The following PTPRG variants were observed in gnomAD, a reference collection of about 807,000 sequenced individuals.
PTPRG encodes receptor-type tyrosine-protein phosphatase gamma.
Under a neutral mutation model 165.3 loss-of-function variants are expected in PTPRG, and 102 were observed. The observed-to-expected ratio is 0.62, with a 90% confidence interval of 0.53 to 0.73. The LOEUF (loss-of-function observed/expected upper bound fraction) is 0.73. Among genes scored for constraint, PTPRG ranks in the 30% least tolerant of loss-of-function variants. The pLI is 0.00. For synonymous variants in PTPRG, 675 were observed against 669.5 expected, an observed-to-expected ratio of 1.01 and a Z score of -0.13; for missense variants, 1,866 against 1,861.4, an observed-to-expected ratio of 1.00 and a Z score of -0.05.
intron 4 of PTPRG, among the ~76,000 whole-genome samples, chr3:62,025,087 C>T (rs1037706648): frequency 2.0e-5 from 3 of 152,082 alleles, no homozygotes; most frequent in South Asian, 2.1e-4. Context: ...GGAGCTGGTC[C>T]AGTTTTCGTA....
intron 2 of PTPRG, among the ~76,000 whole-genome samples, chr3:61,827,925 G>A (rs917550357): frequency 6.6e-6 from 1 of 152,128 alleles, no homozygotes; most frequent in Non-Finnish European, 1.5e-5. Flanking sequence ...ACTACCTAAA[G>A]AGAGACACTT....
At chr3:61,912,472 T>C (rs1011272585) in intron 2 of PTPRG, among the ~76,000 whole-genome samples, 5 of 152,290 alleles carry the variant, frequency 3.3e-5, no homozygotes, top group African/African-American at 1.2e-4. Context: ...ACTGCAAAGC[T>C]TCACTTATGT....
intron 1 of PTPRG, chr3:61,742,719 C>T (rs2033043612): frequency 1.2e-6 from 2 of 1,608,538 alleles, no homozygotes; most frequent in South Asian, 2.2e-5. Flanking sequence ...ACTTTCCTGC[C>T]TTATTTAGAC....
intron 1 of PTPRG, chr3:61,743,213 G>T: frequency 1.4e-6 from 1 of 704,188 alleles, no homozygotes; most frequent in Non-Finnish European, 2.6e-6. Flanking sequence ...TCTGAGAAGA[G>T]ACAGAGTTTA....
intron 1 of PTPRG, among the ~76,000 whole-genome samples, chr3:61,727,954 C>T (rs2032331147): frequency 6.6e-6 from 1 of 152,226 alleles, no homozygotes; most frequent in African/African-American, 2.4e-5. Context: ...GTTTGTGAGG[C>T]AAAGCACTTT....
At chr3:62,116,304 G>A (rs1291969294) in intron 5 of PTPRG, among the ~76,000 whole-genome samples, 1 of 152,156 alleles carries the variant, frequency 6.6e-6, no homozygotes, top group African/African-American at 2.4e-5. Flanking sequence ...TGATTGCTGT[G>A]CTGCCTCCTT....
intron 2 of PTPRG, among the ~76,000 whole-genome samples, chr3:61,922,751 C>T (rs1194520820): frequency 6.6e-6 from 1 of 152,206 alleles, no homozygotes; most frequent in Non-Finnish European, 1.5e-5. Context: ...GGTGATCGTC[C>T]TGCTTCAGCC....
chr3:62,001,891 A>G (rs1366423380), intron 3 of PTPRG, among the ~76,000 whole-genome samples: 1 of 152,220 alleles, frequency 6.6e-6, no homozygotes, highest in Non-Finnish European at 1.5e-5. Context: ...ATTGGCCTGC[A>G]AAGCCTAAAA....
intron 5 of PTPRG, among the ~76,000 whole-genome samples, chr3:62,121,603 C>T (rs1260561746): frequency 5.9e-5 from 9 of 152,102 alleles, no homozygotes; most frequent in Non-Finnish European, 1.0e-4. Context: ...TCCATCTGCA[C>T]GTTTTCTATG....
chr3:62,262,681 T>C (rs1376872097), intron 16 of PTPRG, 117 bp from the exon 17 acceptor site: 3 of 521,872 alleles, frequency 5.7e-6, no homozygotes, highest in South Asian at 4.4e-5. Flanking sequence ...GAAGTTGGGA[T>C]TGAGAAGGTA....
At chr3:62,097,487 T>C (rs1227714595) in intron 5 of PTPRG, among the ~76,000 whole-genome samples, 1 of 149,996 alleles carries the variant, frequency 6.7e-6, no homozygotes, top group African/African-American at 2.4e-5. Flanking sequence ...GTGACAGGTA[T>C]ATGAACGCGA....
chr3:61,590,375 A>C (rs950647954), intron 1 of PTPRG, among the ~76,000 whole-genome samples: 1 of 152,128 alleles, frequency 6.6e-6, no homozygotes, highest in Non-Finnish European at 1.5e-5. Flanking sequence ...ATATATAAAA[A>C]TTAGCTGGCG....
At chr3:61,917,003 T>C (rs566897868) in intron 2 of PTPRG, among the ~76,000 whole-genome samples, 1 of 152,322 alleles carries the variant, frequency 6.6e-6, no homozygotes, top group South Asian at 2.1e-4. Flanking sequence ...TGAGCTGTTT[T>C]CTTCTGAAGC....
At chr3:61,848,334 C>A (rs569265119) in intron 2 of PTPRG, among the ~76,000 whole-genome samples, 1 of 152,200 alleles carries the variant, frequency 6.6e-6, no homozygotes, top group East Asian at 1.9e-4. Flanking sequence ...CCTAGGCAGG[C>A]TCTGTATGAT....
chr3:61,666,367 A>T (rs1164533431), intron 1 of PTPRG, among the ~76,000 whole-genome samples: 1 of 152,220 alleles, frequency 6.6e-6, no homozygotes, highest in Admixed American at 6.5e-5. Flanking sequence ...CCTTAAGTTA[A>T]ACTTACCAGT....
intron 1 of PTPRG, among the ~76,000 whole-genome samples, chr3:61,618,833 C>G (rs1701372077): frequency 2.6e-5 from 4 of 151,968 alleles, no homozygotes; most frequent in Admixed American, 2.6e-4. Context: ...GACCATCACA[C>G]TTTTAGTGAT....
chr3:62,066,905 G>C lies in PTPRG; in HGVS notation c.520-11258G>C, dbSNP rs550877298. ...TTACAATAATTAGCTGGATGTGGTG[G>C]CACGTGCCTGTAATCCCAGCTACTC... On this transcript the variant is annotated intron_variant, in intron 4 of 29. Transcript: ENST00000474889. 7.9e-5 allele frequency among the ~76,000 whole-genome samples: 12 copies of C among 152,142 alleles called. No homozygotes were observed. In the South Asian group the frequency reaches 2.3e-3, roughly 29 times the overall value.
rs375892282 is a variant in PTPRG, at chr3:62,125,843, G to A, written c.616-6759G>A. 2.6e-5 allele frequency among the ~76,000 whole-genome samples: 4 copies of A among 152,220 alleles called. No homozygotes were observed. The East Asian group carries it at 5.8e-4, about 22-fold the overall frequency. Reference sequence around the variant, plus strand: ...ACTTTGAGAAGATTGGCAGGGGTGGGACAGACAGGTTCTGGGACCCCGGCT... The same window carrying A: ...ACTTTGAGAAGATTGGCAGGGGTGGAACAGACAGGTTCTGGGACCCCGGCT... On this transcript the variant is annotated intron_variant, in intron 5 of 29. Transcript: ENST00000474889.
chr3:61,693,661 A>AGACGTATT (rs1331064945), intron 1 of PTPRG, among the ~76,000 whole-genome samples: 1 of 152,160 alleles, frequency 6.6e-6, no homozygotes. Flanking sequence ...GAGAAGATGA[A>AGACGTATT]GACGTATTGA....
Sources: allele counts gnomAD v4.1 joint callset (sites outside exome capture counted in the v4.1 genomes callset), GRCh38; gene constraint gnomAD v4.1.1; transcripts MANE v1.5; gene names NCBI Gene and HGNC (gene_info 2026-07-23, HGNC 2026-07-21).